Variants in ADGRA1 observed in about 807,000 individuals in gnomAD.
ADGRA1 encodes the protein adhesion G protein-coupled receptor A1.
ADGRA1 carries 12 observed loss-of-function variants against 21.3 expected under a neutral mutation model. That is an observed-to-expected ratio of 0.56 (90% confidence interval 0.36 to 0.91). The LOEUF (loss-of-function observed/expected upper bound fraction) is 0.91. Ranked by LOEUF, ADGRA1 falls within the 40% of genes least tolerant of loss-of-function variation. ADGRA1 has a pLI of 0.01. For synonymous variants in ADGRA1, 385 were observed against 368.8 expected (o/e 1.04, Z -0.50); for missense variants, 790 against 805.6 (o/e 0.98, Z 0.23).
Position 133,128,486 on chromosome 10 carries a change from C to A in ADGRA1, c.658C>A (p.Arg220=), listed in dbSNP as rs1430068082. 3.8e-6 allele frequency: 6 copies of A among 1,562,958 alleles called. No homozygotes were observed. Among genetic ancestry groups the A allele is most frequent in the Admixed American group, 1.9e-5 (1 of 53,274 alleles). Residue 220 remains arginine, a synonymous_variant, in exon 7 of 7, where the codon CGG becomes AGG. Transcript: ENST00000392607. Reference sequence around the variant, plus strand: ...GCGCACACAGCCCGAGGAGCAGCGGCGGCTGGCGACACCCGAGGGCGGCCG... The same window carrying A: ...GCGCACACAGCCCGAGGAGCAGCGGAGGCTGGCGACACCCGAGGGCGGCCG... The part of the protein sequence containing the change: ...ELRTQPEEQR[R]LATPEGGRGI...
intron 5 of ADGRA1, among the ~76,000 whole-genome samples, chr10:133,123,362 G>T (rs1342641390): frequency 1.3e-5 from 2 of 152,242 alleles, no homozygotes; most frequent in African/African-American, 2.4e-5. Flanking sequence ...GAGCGGCAGA[G>T]ACTTTCCCTT....
intron 2 of ADGRA1, chr10:133,092,974 TGGCCCCGG>T (rs1851626877): frequency 6.3e-7 from 1 of 1,588,070 alleles, no homozygotes; most frequent in African/African-American, 1.3e-5. Flanking sequence ...GCTGCAGACC[TGGCCCCGG>T]ACACCTCACC....
At chr10:133,113,026 G>A (rs1387885446) in intron 5 of ADGRA1, among the ~76,000 whole-genome samples, 1 of 146,080 alleles carries the variant, frequency 6.8e-6, no homozygotes, top group African/African-American at 2.6e-5. Context: ...GGGGTCTGCG[G>A]GCCGCGTCAG....
At chr10:133,100,232 G>A (rs1025909637) in intron 4 of ADGRA1, among the ~76,000 whole-genome samples, 3 of 152,226 alleles carry the variant, frequency 2.0e-5, no homozygotes, top group Non-Finnish European at 2.9e-5. Context: ...CGCACCTGAA[G>A]GTGGCTAAGG....
Position 133,129,023 on chromosome 10 carries a change from G to T in ADGRA1, c.1195G>T (p.Val399Leu), listed in dbSNP as rs745884088. Residue 399 changes from valine to leucine, a missense_variant, in exon 7 of 7, where the codon GTG becomes TTG. Val to Leu is a conservative substitution (Grantham distance 32). Around this residue, in one of 3 missense-constraint regions of ADGRA1, gnomAD observed 391 missense variants for 351.5 expected, o/e 1.11. Coordinates refer to ENST00000392607, the MANE Select transcript of ADGRA1 (RefSeq NM_001083909.3). ...GCCACTGACGGCGGACGAGGCGCAC[G>T]TGCACCTGCAGGAGGAGGGCGCCTT... ...CEPLTADEAH[V>L]HLQEEGAFGH... The T allele has an allele frequency of 1.3e-6, 2 of 1,565,174 alleles. No homozygotes were observed. Among genetic ancestry groups the T allele is most frequent in the South Asian group, 1.2e-5 (1 of 85,576 alleles).
rs1851550851 is a variant in ADGRA1, at chr10:133,088,897, CTT to C, written c.-11_-10del. ...TCCAGCGGCGCTCACGCTTCCGCAA[CTT>C]TGCAGCGCTCATGGTGAGTACGGGG... is the stretch of plus-strand genomic sequence containing the variant. On this transcript the variant is annotated 5_prime_UTR_variant, in exon 2 of 7. Coordinates refer to ENST00000392607, the MANE Select transcript of ADGRA1 (RefSeq NM_001083909.3). The C allele has an allele frequency of 2.4e-6, 3 of 1,241,368 alleles. No individual in the cohort carries two copies. In the Admixed American group the frequency reaches 1.2e-4, roughly 51 times the overall value. The allele number at this position is 1,241,368 out of a possible 1,614,324, so 76.9% of individuals were successfully genotyped here.
chr10:133,094,157 C>G lies in ADGRA1; in HGVS notation c.4-2817C>G, dbSNP rs530503077. On this transcript the variant is annotated intron_variant, in intron 2 of 6. Transcript: ENST00000392607. ...CAGCTTGGCCTTCAGACGAGAAGCC[C>G]CACACAAGGCGGCGTGGCCCTCGCT... is the stretch of plus-strand genomic sequence containing the variant. Among the ~76,000 whole-genome samples, 20 of 152,386 alleles carry G rather than the reference C, an allele frequency of 1.3e-4. 1 individual carries two copies. The South Asian group carries it at 4.1e-3, about 32-fold the overall frequency.
chr10:133,104,130 C>T (rs1177976327), intron 5 of ADGRA1, among the ~76,000 whole-genome samples: 4 of 152,262 alleles, frequency 2.6e-5, no homozygotes, highest in African/African-American at 9.6e-5. Flanking sequence ...GATACAGCCA[C>T]GTCCTGTATT....
At chr10:133,110,025 C>T (rs73399122) in intron 5 of ADGRA1, among the ~76,000 whole-genome samples, 1,841 of 152,320 alleles carry the variant, frequency 0.012, 20 homozygotes, top group Non-Finnish European at 0.016. Context: ...GGAAGATACA[C>T]TCAGGACTCA....
intron 2 of ADGRA1, chr10:133,095,775 A>T: frequency 6.3e-7 from 1 of 1,598,448 alleles, no homozygotes; most frequent in Non-Finnish European, 8.5e-7. Flanking sequence ...CTGCATCCCG[A>T]CACAGGTGAC....
chr10:133,101,968 C>T (rs953948236), intron 4 of ADGRA1, among the ~76,000 whole-genome samples: 4 of 152,230 alleles, frequency 2.6e-5, no homozygotes, highest in African/African-American at 7.2e-5. Context: ...AATGGTGCGA[C>T]GTTAGCTTTA....
intron 5 of ADGRA1, among the ~76,000 whole-genome samples, chr10:133,117,193 C>T (rs986968660): frequency 3.9e-5 from 6 of 152,170 alleles, no homozygotes; most frequent in Admixed American, 6.5e-5. Context: ...TGGTCCAGAG[C>T]GAGGACTGCT....
At chr10:133,122,554 C>G (rs945052761) in intron 5 of ADGRA1, among the ~76,000 whole-genome samples, 1 of 152,226 alleles carries the variant, frequency 6.6e-6, no homozygotes, top group Non-Finnish European at 1.5e-5. Flanking sequence ...TCTTTTCTTT[C>G]CTTTCCTTTT....
chr10:133,092,004 G>T (rs1851603530), intron 2 of ADGRA1, among the ~76,000 whole-genome samples: 1 of 152,224 alleles, frequency 6.6e-6, no homozygotes, highest in Non-Finnish European at 1.5e-5. Flanking sequence ...ACCAGGATCG[G>T]GTCCTGGCCC....
At chr10:133,091,519 T>C (rs1178241222) in intron 2 of ADGRA1, among the ~76,000 whole-genome samples, 4 of 152,222 alleles carry the variant, frequency 2.6e-5, no homozygotes, top group African/African-American at 9.6e-5. Context: ...GATGGCACCA[T>C]TGCCTGGTTA....
intron 2 of ADGRA1, chr10:133,093,136 A>G (rs1851631737): frequency 6.3e-7 from 1 of 1,596,148 alleles, no homozygotes; most frequent in Non-Finnish European, 8.5e-7. Flanking sequence ...AAGGTTCCTC[A>G]GCCAGTCGGA....
chr10:133,104,416 C>T (rs1343835563), intron 5 of ADGRA1, among the ~76,000 whole-genome samples: 1 of 152,212 alleles, frequency 6.6e-6, no homozygotes. Context: ...CCGTGGAACA[C>T]CCCGGCGCTC....
chr10:133,096,492 T>A (rs1473891575), intron 2 of ADGRA1, among the ~76,000 whole-genome samples: 1 of 152,170 alleles, frequency 6.6e-6, no homozygotes, highest in African/African-American at 2.4e-5. Flanking sequence ...TCGCAGAAGC[T>A]CGTACAGAAT....
At chr10:133,104,761 C>A (rs1851863299) in intron 5 of ADGRA1, among the ~76,000 whole-genome samples, 1 of 152,178 alleles carries the variant, frequency 6.6e-6, no homozygotes, top group Admixed American at 6.5e-5. Flanking sequence ...CTGGCCAGGG[C>A]TCAGCCTGTG....
Sources: gnomAD v4.1 joint callset for allele counts (sites outside exome capture counted in the v4.1 genomes callset) on GRCh38, gnomAD v4.1.1 for gene constraint, gnomAD v4.1.1 regional missense constraint, MANE v1.5 for transcripts, NCBI Gene and HGNC (gene_info 2026-07-23, HGNC 2026-07-21) for gene names.